Variants in NKAIN3 observed in about 807,000 individuals in gnomAD.
The protein encoded by NKAIN3 is sodium/potassium-transporting ATPase subunit beta-1-interacting protein 3.
A neutral mutation model predicts 30.2 loss-of-function variants in NKAIN3; 25 were observed. That is an observed-to-expected ratio of 0.83 (90% CI 0.60 to 1.16). NKAIN3 has a LOEUF of 1.16. Among genes scored for constraint, NKAIN3 ranks in the 50% most tolerant of loss-of-function variants. The pLI is 0.00. For synonymous variants in NKAIN3, 91 were observed against 89.6 expected, an observed-to-expected ratio of 1.02 and a Z score of -0.09; for missense variants, 225 against 254.1, an observed-to-expected ratio of 0.89 and a Z score of 0.78.
intron 3 of NKAIN3, among the ~76,000 whole-genome samples, chr8:62,643,196 A>G (rs1184136197): frequency 6.6e-6 from 1 of 152,150 alleles, no homozygotes; most frequent in Admixed American, 6.6e-5. Context: ...TTTCACCTCC[A>G]GTATAGTAAC....
At chr8:62,709,758 C>T (rs780662667) in intron 3 of NKAIN3, among the ~76,000 whole-genome samples, 3 of 151,878 alleles carry the variant, frequency 2.0e-5, no homozygotes, top group Non-Finnish European at 4.4e-5. Flanking sequence ...CTTTCTTCTG[C>T]TGGGTTTGGA....
chr8:62,492,122 A>C (rs1403107814), intron 1 of NKAIN3, among the ~76,000 whole-genome samples: 1 of 152,122 alleles, frequency 6.6e-6, no homozygotes, highest in Non-Finnish European at 1.5e-5. Flanking sequence ...GACATAGCAA[A>C]TTGTAGAAAA....
At chr8:62,663,665 C>G (rs1813011254) in intron 3 of NKAIN3, among the ~76,000 whole-genome samples, 1 of 152,172 alleles carries the variant, frequency 6.6e-6, no homozygotes, top group African/African-American at 2.4e-5. Flanking sequence ...ACTCACACTC[C>G]CACATCTTAA....
chr8:62,622,624 G>A (rs548427040), intron 3 of NKAIN3, among the ~76,000 whole-genome samples: 16 of 151,850 alleles, frequency 1.1e-4, no homozygotes, highest in African/African-American at 3.9e-4. Flanking sequence ...GGATTATTTG[G>A]TTCTTTTACT....
chr8:62,756,677 A>AT (rs1433262833), intron 4 of NKAIN3, among the ~76,000 whole-genome samples: 3 of 152,176 alleles, frequency 2.0e-5, no homozygotes, highest in East Asian at 3.8e-4. Flanking sequence ...TAAATCCAAT[A>AT]TTATGGTTAT....
chr8:62,800,600 A>T (rs1818023319), intron 4 of NKAIN3, among the ~76,000 whole-genome samples: 1 of 152,198 alleles, frequency 6.6e-6, no homozygotes, highest in Admixed American at 6.5e-5. Context: ...ATTTCGGTAA[A>T]GCCATGTTTT....
chr8:62,875,546 G>A (rs1340190560), intron 4 of NKAIN3, among the ~76,000 whole-genome samples: 1 of 152,162 alleles, frequency 6.6e-6, no homozygotes, highest in Non-Finnish European at 1.5e-5. Context: ...AACAAAGCTT[G>A]AGGCATCACG....
chr8:62,302,709 A>T (rs1193798221), intron 1 of NKAIN3, among the ~76,000 whole-genome samples: 1 of 152,038 alleles, frequency 6.6e-6, no homozygotes, highest in Non-Finnish European at 1.5e-5. Flanking sequence ...AGAGGTGAAA[A>T]AGCTGTCAAC....
In NKAIN3 at chr8:62,471,658, C is replaced by A. The variant is rs578186874; in HGVS notation, c.55-107881C>A. Among the ~76,000 whole-genome samples, 29 of 152,240 alleles carry A rather than the reference C, an allele frequency of 1.9e-4. 1 individual carries two copies. In the South Asian group the frequency reaches 6.0e-3, roughly 32 times the overall value. ...CTATGAAACTAAATGGCACTTTCTACTTCAGCTCACTGGGGGCTGGGCGCG... is the reference window on the plus strand; with the variant it reads ...CTATGAAACTAAATGGCACTTTCTAATTCAGCTCACTGGGGGCTGGGCGCG... On this transcript the variant is annotated intron_variant, in intron 1 of 6. Coordinates refer to ENST00000623646, the MANE Select transcript of NKAIN3 (RefSeq NM_001304533.3).
intron 4 of NKAIN3, among the ~76,000 whole-genome samples, chr8:62,917,939 T>C (rs796247030): frequency 5.3e-5 from 8 of 152,348 alleles, no homozygotes; most frequent in African/African-American, 1.9e-4. Flanking sequence ...AGTTAACGTG[T>C]TTTCTTGTGG....
intron 1 of NKAIN3, among the ~76,000 whole-genome samples, chr8:62,543,917 A>G (rs1338187428): frequency 6.6e-6 from 1 of 152,140 alleles, no homozygotes; most frequent in African/African-American, 2.4e-5. Flanking sequence ...GAAAATTTTT[A>G]ACTGGAGTAA....
intron 1 of NKAIN3, among the ~76,000 whole-genome samples, chr8:62,358,797 C>A (rs984022203): frequency 2.0e-5 from 3 of 152,182 alleles, no homozygotes; most frequent in Non-Finnish European, 4.4e-5. Flanking sequence ...GGCTTACAGA[C>A]TTTGTTAATT....
At chr8:62,823,986 G>A (rs1818939210) in intron 4 of NKAIN3, among the ~76,000 whole-genome samples, 1 of 152,180 alleles carries the variant, frequency 6.6e-6, no homozygotes, top group Admixed American at 6.5e-5. Context: ...AGTACAGGAA[G>A]TAGGATTAAG....
At chr8:62,685,374 A>G (rs983945558) in intron 3 of NKAIN3, among the ~76,000 whole-genome samples, 20 of 152,300 alleles carry the variant, frequency 1.3e-4, no homozygotes, top group African/African-American at 4.8e-4. Flanking sequence ...TTTGTAAACT[A>G]TCCTCCCTTT....
At chr8:62,995,816 A>T (rs935564183) in intron 5 of NKAIN3, among the ~76,000 whole-genome samples, 1 of 151,982 alleles carries the variant, frequency 6.6e-6, no homozygotes, top group Non-Finnish European at 1.5e-5. Flanking sequence ...TATTTAAAAT[A>T]TTAGAAACAT....
rs569261040 is a variant in NKAIN3, at chr8:62,427,254, T to A, written c.55-152285T>A. Reference sequence around the variant, plus strand: ...TTTATTATGGCATTGAAACAAAATATTACAAGAGACTCAAAAACTGGAAGT... The same window carrying A: ...TTTATTATGGCATTGAAACAAAATAATACAAGAGACTCAAAAACTGGAAGT... On this transcript the variant is annotated intron_variant, in intron 1 of 6. Coordinates refer to ENST00000623646, the MANE Select transcript of NKAIN3 (RefSeq NM_001304533.3). 6.6e-5 allele frequency among the ~76,000 whole-genome samples: 10 copies of A among 152,096 alleles called. 1 individual carries two copies. Among genetic ancestry groups the A allele is most frequent in the African/African-American group, 2.4e-4 (10 of 41,538 alleles).
chr8:62,876,165 A>G (rs1329068324), intron 4 of NKAIN3, among the ~76,000 whole-genome samples: 1 of 152,220 alleles, frequency 6.6e-6, no homozygotes, highest in Non-Finnish European at 1.5e-5. Context: ...CGGGCAAAGG[A>G]TATGAACAGA....
At position 62,965,373 on chromosome 8, in the gene NKAIN3, T is replaced by C. The variant is rs145517326; in HGVS notation, c.623T>C (p.Ile208Thr). ...TTTTAGGTCGAAATAAGTAATGACA[T>C]TGAACCAGAAATGCGGCTGCTGAAC... ...PVKPVEISND[I>T]EPEMRLLNLT The change falls in exon 7 of 7, where the codon ATT (isoleucine) becomes ACT (threonine). Residue 208 changes from isoleucine to threonine, a missense_variant. Coordinates refer to ENST00000623646, the MANE Select transcript of NKAIN3 (RefSeq NM_001304533.3). The C allele has an allele frequency of 2.4e-4, 236 of 985,790 alleles. No individual in the cohort carries two copies. In the African/African-American group the frequency reaches 3.9e-3, roughly 16 times the overall value. The allele number at this position is 985,790 out of a possible 1,614,324, so 61.1% of individuals were successfully genotyped here. A position where few individuals can be genotyped will look rare whatever the true frequency, so the allele number is the denominator to read the frequency against.
At chr8:62,989,611 C>T (rs1029161077), downstream of NKAIN3, among the ~76,000 whole-genome samples, 1 of 152,104 alleles carries the variant, frequency 6.6e-6, no homozygotes, top group Non-Finnish European at 1.5e-5. Context: ...TGGGTGGGGA[C>T]ACAGCCAAGC....
Sources: allele counts gnomAD v4.1 joint callset (sites outside exome capture counted in the v4.1 genomes callset), GRCh38; gene constraint gnomAD v4.1.1; transcripts MANE v1.5; gene names NCBI Gene and HGNC (gene_info 2026-07-23, HGNC 2026-07-21).